The following TMC6 variants were observed in gnomAD, a reference collection of about 807,000 sequenced individuals.
TMC6 encodes transmembrane channel like 6, also known as transmembrane channel-like protein 6.
A neutral mutation model predicts 95.4 loss-of-function variants in TMC6; 71 were observed. The ratio of observed to expected loss-of-function variants is 0.74; its 90% CI spans 0.61 to 0.91. The LOEUF (loss-of-function observed/expected upper bound fraction) is 0.91. Ranked by LOEUF, TMC6 falls within the 40% of genes least tolerant of loss-of-function variation. TMC6 has a pLI of 0.00. For missense variants in TMC6, 1,074 were observed against 1,079.1 expected (o/e 1.00, Z 0.07); for synonymous variants, 514 against 483.1 (o/e 1.06, Z -0.84).
At chr17:78,115,629 T>TG (rs1343503183) in intron 18 of TMC6, among the ~76,000 whole-genome samples, 5 of 138,056 alleles carry the variant, frequency 3.6e-5, no homozygotes, top group African/African-American at 1.4e-4. Context: ...GCGAAGGGAG[T>TG]GGGCACAGGG....
In TMC6 at chr17:78,117,458, CG is replaced by C. The variant is rs1409297364; in HGVS notation, c.2198+9del. On this transcript the variant is annotated intron_variant, in intron 17 of 19. Transcript: ENST00000590602. Reference sequence around the variant, plus strand: ...ATCTCCCCAGGGCCGCCCCCACCTGCGGGACTCACAGCAGCAGGGCTGACAC... The same window carrying C: ...ATCTCCCCAGGGCCGCCCCCACCTGCGGACTCACAGCAGCAGGGCTGACAC... 1 of 1,610,138 alleles carries C rather than the reference CG, an allele frequency of 6.2e-7. No homozygotes were observed. Among genetic ancestry groups the C allele is most frequent in the Admixed American group, 1.7e-5 (1 of 59,726 alleles).
chr17:78,117,739 C>T, intron 16 of TMC6, 63 bp downstream of exon 16: 1 of 1,574,898 alleles, frequency 6.3e-7, no homozygotes, highest in Non-Finnish European at 8.6e-7. Context: ...CTTGGGCCCC[C>T]CAGGCACCAC....
Position 78,128,587 on chromosome 17 carries a change from C to G in TMC6, c.-75+25G>C, listed in dbSNP as rs2074861937. 6.6e-6 allele frequency: 1 copy of G among 152,406 alleles called. No individual in the cohort carries two copies. The highest frequency in any genetic ancestry group is 6.5e-5 in the Admixed American group (1 of 15,284). 9.4% of individuals were successfully genotyped at this position (152,406 alleles called of 1,614,324 possible). ...AGAAGCAGCTGGGGCTGGCGGGACCCGGGACCGGGATCGCGGCCGCTCACC... is the reference window on the plus strand; with the variant it reads ...AGAAGCAGCTGGGGCTGGCGGGACCGGGGACCGGGATCGCGGCCGCTCACC... On this transcript the variant is annotated intron_variant, in intron 1 of 19. Coordinates refer to ENST00000590602, the MANE Select transcript of TMC6 (RefSeq NM_001127198.5). This position sits in a 1 kb window ranked among gnomAD's most constrained non-coding sequence, Gnocchi z 4.0.
intron 18 of TMC6, among the ~76,000 whole-genome samples, chr17:78,115,418 G>A (rs73374935): frequency 6.6e-6 from 1 of 152,138 alleles, no homozygotes; most frequent in Non-Finnish European, 1.5e-5. Context: ...AATGGGAGGG[G>A]ATGGGGAGCC....
intron 18 of TMC6, 57 bp from the exon 19 acceptor site, chr17:78,113,681 C>A: frequency 6.3e-7 from 1 of 1,578,258 alleles, no homozygotes. Context: ...CATCCAGAGC[C>A]ATCCTGTTCC....
At chr17:78,132,128 C>A (rs189348567), upstream of TMC6, 17 of 1,516,372 alleles carry the variant, frequency 1.1e-5, no homozygotes, top group Non-Finnish European at 1.4e-5. Flanking sequence ...TGCCTTCACC[C>A]GGGTCCCCCG....
chr17:78,131,977 A>G (rs2145577568), upstream of TMC6: 10 of 1,522,156 alleles, frequency 6.6e-6, no homozygotes, highest in Non-Finnish European at 8.8e-6. Flanking sequence ...GAGGCAGCGC[A>G]GCGGCTGGCC....
chr17:78,112,845 C>A lies in TMC6; in HGVS notation c.*303G>T. On this transcript the variant is annotated 3_prime_UTR_variant, in exon 20 of 20. Transcript: ENST00000590602. Reference sequence around the variant, plus strand: ...GAGGTTCCCAGGACCCAGACCTGCGCCTGGAGGTGGCCCCAGGGCAGCGGG... The same window carrying A: ...GAGGTTCCCAGGACCCAGACCTGCGACTGGAGGTGGCCCCAGGGCAGCGGG... 1 of 468,924 alleles carries A rather than the reference C, an allele frequency of 2.1e-6. No individual in the cohort carries two copies. The highest frequency in any genetic ancestry group is 3.8e-6 in the Non-Finnish European group (1 of 262,544). 29.0% of individuals were successfully genotyped at this position (468,924 alleles called of 1,614,324 possible). A position where few individuals can be genotyped will look rare whatever the true frequency, so the allele number is the denominator to read the frequency against.
Position 78,124,991 on chromosome 17 carries a change from G to A in TMC6, c.537-6C>T. 3 of 1,581,108 alleles carry A rather than the reference G, an allele frequency of 1.9e-6. No individual in the cohort carries two copies. Among genetic ancestry groups the A allele is most frequent in the Non-Finnish European group, 2.6e-6 (3 of 1,166,812 alleles). On this transcript the variant is annotated splice_region_variant and splice_polypyrimidine_tract_variant and intron_variant, in intron 6 of 19. Transcript: ENST00000590602. Reference sequence around the variant, plus strand: ...TCGGGGTCCTGCTCTTCTCTCTGGGGACAGAGGCAGCCATAGGTGCCTGGA... The same window carrying A: ...TCGGGGTCCTGCTCTTCTCTCTGGGAACAGAGGCAGCCATAGGTGCCTGGA...
intron 13 of TMC6, 63 bp from the exon 14 acceptor site, chr17:78,119,455 C>T: frequency 6.5e-7 from 1 of 1,549,990 alleles, no homozygotes; most frequent in Non-Finnish European, 8.9e-7. Flanking sequence ...CAGCCTGAGT[C>T]CCCACACCCA....
Position 78,125,794 on chromosome 17 carries a change from A to T in TMC6, c.362T>A (p.Val121Asp). 1 of 1,561,174 alleles carries T rather than the reference A, an allele frequency of 6.4e-7. No homozygotes were observed. The highest frequency in any genetic ancestry group is 8.7e-7 in the Non-Finnish European group (1 of 1,152,928). ...RSSRPLLGNFVRSAWPSLRLY... is the reference protein window; with the variant it reads ...RSSRPLLGNFDRSAWPSLRLY... ...GCGGAGGCTGGGCCAGGCGGAGCGGACAAAGTTCCCGAGCAGGGGCCGGCT... is the reference window on the plus strand; with the variant it reads ...GCGGAGGCTGGGCCAGGCGGAGCGGTCAAAGTTCCCGAGCAGGGGCCGGCT... The change falls in exon 5 of 20, where the codon GTC becomes GAC. Residue 121 changes from valine (V) to aspartate (D), a missense_variant. Physicochemically the swap from Val to Asp is radical, Grantham distance 152. Transcript: ENST00000590602.
At position 78,112,701 on chromosome 17, in the gene TMC6, G is replaced by GT; in HGVS notation, c.*446dup. 4.1e-6 allele frequency: 1 copy of GT among 240,980 alleles called. No homozygotes were observed. The highest frequency in any genetic ancestry group is 8.2e-6 in the Non-Finnish European group (1 of 121,354). 14.9% of individuals were successfully genotyped at this position (240,980 alleles called of 1,614,324 possible). A position where few individuals can be genotyped will look rare whatever the true frequency, so the allele number is the denominator to read the frequency against. On this transcript the variant is annotated 3_prime_UTR_variant, in exon 20 of 20. Transcript: ENST00000590602. ...GCCTGCTCGGCTCACTTGTGCAGGT[G>GT]TAAGCCCCTCCTGGGCGCGAGTTCA...
rs573192064 is a variant in TMC6, at chr17:78,117,205, G to A, written c.2277+64C>T. The A allele has an allele frequency of 5.0e-4, 786 of 1,556,748 alleles. 7 individuals are homozygous for A. In the African/African-American group the frequency reaches 9.0e-3, roughly 18 times the overall value. On this transcript the variant is annotated intron_variant, in intron 18 of 19. Transcript: ENST00000590602. ...CAGGAGATGTACAGGGGAGTGGAGG[G>A]GAGCGTCACCCTCAGGTGACCTGAG...
chr17:78,113,411 G>T, intron 19 of TMC6, 137 bp downstream of exon 19: 2 of 1,256,282 alleles, frequency 1.6e-6, no homozygotes, highest in Non-Finnish European at 2.3e-6. Flanking sequence ...GGGCGCCGGG[G>T]GGGAGATTTT....
chr17:78,124,811 GTGAGGCCGGAGGAGGCAC>G (rs2074614521), intron 7 of TMC6, 30 bp from the exon 8 acceptor site: 1 of 1,578,660 alleles, frequency 6.3e-7, no homozygotes, highest in Non-Finnish European at 8.6e-7. Flanking sequence ...GGCCCTGAGG[GTGAGGCCGGAGGAGGCAC>G]TGAGGCCACC....
chr17:78,120,938 G>A, intron 12 of TMC6, 75 bp downstream of exon 12: 2 of 1,612,372 alleles, frequency 1.2e-6, no homozygotes, highest in Non-Finnish European at 1.7e-6. Context: ...TCCTAAGTAG[G>A]TTTGGATACA....
chr17:78,130,145 A>AG (rs1236681458), upstream of TMC6, among the ~76,000 whole-genome samples: 2 of 152,202 alleles, frequency 1.3e-5, no homozygotes, highest in African/African-American at 4.8e-5. Context: ...CTAGCCTGGG[A>AG]GAGCATGAAT....
At chr17:78,132,339 A>T, upstream of TMC6, 2 of 1,611,538 alleles carry the variant, frequency 1.2e-6, no homozygotes, top group South Asian at 2.2e-5. Flanking sequence ...TCCCTGACCC[A>T]CCCTGCTCTC....
Position 78,113,010 on chromosome 17 carries a change from C to A in TMC6, c.*138G>T. On this transcript the variant is annotated 3_prime_UTR_variant, in exon 20 of 20. Coordinates refer to ENST00000590602, the MANE Select transcript of TMC6 (RefSeq NM_001127198.5). ...CCCAAGCCGGATTCACCCACCCTTC[C>A]AGCTCCAGCCTAGGCGCAGCTGCGG... 1 of 981,840 alleles carries A rather than the reference C, an allele frequency of 1.0e-6. No homozygotes were observed. The highest frequency in any genetic ancestry group is 1.5e-6 in the Non-Finnish European group (1 of 647,726). The allele number at this position is 981,840 out of a possible 1,614,324, so 60.8% of individuals were successfully genotyped here. A position where few individuals can be genotyped will look rare whatever the true frequency, so the allele number is the denominator to read the frequency against.
Sources: allele counts gnomAD v4.1 joint callset (sites outside exome capture counted in the v4.1 genomes callset), GRCh38; gene constraint gnomAD v4.1.1; non-coding constraint Gnocchi (gnomAD v3.1); transcripts MANE v1.5; gene names NCBI Gene and HGNC (gene_info 2026-07-23, HGNC 2026-07-21).